The following MAPKBP1 variants were observed in gnomAD, a reference collection of about 807,000 sequenced individuals.
The protein encoded by MAPKBP1 is mitogen-activated protein kinase binding protein 1.
MAPKBP1 carries 71 observed loss-of-function variants against 170.5 expected under a neutral mutation model. The observed-to-expected ratio is 0.42, with a 90% CI of 0.34 to 0.51. MAPKBP1 has a LOEUF of 0.51. MAPKBP1 is among the 20% of genes least tolerant of loss of function. The pLI is 0.06. For synonymous variants in MAPKBP1, 719 were observed against 757.9 expected, an observed-to-expected ratio of 0.95 and a Z score of 0.84; for missense variants, 1,598 against 1,933.0, an observed-to-expected ratio of 0.83 and a Z score of 3.25.
chr15:41,811,954 C>T lies in MAPKBP1; in HGVS notation c.328-3C>T, dbSNP rs891814060. On this transcript the variant is annotated splice_polypyrimidine_tract_variant and splice_region_variant and intron_variant, in intron 5 of 30. Transcript: ENST00000457542. The stretch of plus-strand genomic sequence containing the variant: ...CTCACTTCCAGTTCTTGCCTCCCTG[C>T]AGAGTGGGCACATGCCTGCCGTGCG... The T allele has an allele frequency of 1.9e-5, 30 of 1,613,914 alleles. No homozygotes were observed. Among genetic ancestry groups the T allele is most frequent in the Admixed American group, 1.5e-4 (9 of 59,990 alleles).
chr15:41,783,099 G>A (rs2152068125), intron 2 of MAPKBP1, among the ~76,000 whole-genome samples: 1 of 152,280 alleles, frequency 6.6e-6, no homozygotes, highest in Non-Finnish European at 1.5e-5. Context: ...TTCTCTCTTG[G>A]GATTGGTTGG....
At chr15:41,790,335 C>A (rs186893536) in intron 2 of MAPKBP1, among the ~76,000 whole-genome samples, 1 of 152,300 alleles carries the variant, frequency 6.6e-6, no homozygotes, top group Non-Finnish European at 1.5e-5. Flanking sequence ...GATTCTCAAA[C>A]CCTACTCCTT....
chr15:41,778,188 CTAATT>C (rs1025038779), intron 2 of MAPKBP1, among the ~76,000 whole-genome samples: 2 of 152,148 alleles, frequency 1.3e-5, no homozygotes, highest in East Asian at 1.9e-4. Flanking sequence ...ATAAATGAGA[CTAATT>C]TAAAGATGTC....
intron 2 of MAPKBP1, among the ~76,000 whole-genome samples, chr15:41,789,353 C>G (rs1388874416): frequency 6.6e-6 from 1 of 152,032 alleles, no homozygotes; most frequent in Non-Finnish European, 1.5e-5. Context: ...TGAGATAACT[C>G]CTTTTCTTGC....
At chr15:41,784,317 C>G (rs2064242675) in intron 2 of MAPKBP1, among the ~76,000 whole-genome samples, 1 of 152,092 alleles carries the variant, frequency 6.6e-6, no homozygotes, top group African/African-American at 2.4e-5. Flanking sequence ...CATGACAAAC[C>G]TAGAACTGGC....
At chr15:41,813,369 C>T in intron 8 of MAPKBP1, 1 of 1,523,732 alleles carries the variant, frequency 6.6e-7, no homozygotes, top group South Asian at 1.1e-5. Flanking sequence ...CTGCACCTTC[C>T]TCTCTTTCTC....
Position 41,827,485 on chromosome 15 carries a change from G to C in MAPKBP1, c.*2049G>C, listed in dbSNP as rs1232379301. 6.6e-6 allele frequency: 1 copy of C among 152,070 alleles called. No individual in the cohort carries two copies. Among genetic ancestry groups the C allele is most frequent in the Non-Finnish European group, 1.5e-5 (1 of 68,044 alleles). The allele number at this position is 152,070 out of a possible 1,614,324, so 9.4% of individuals were successfully genotyped here. A position where few individuals can be genotyped will look rare whatever the true frequency, so the allele number is the denominator to read the frequency against. The stretch of plus-strand genomic sequence containing the variant: ...TGTGCCCCGACTTCCCACACCAGCC[G>C]CGCCCACCGCAGGTGGGACTCAGGT... On this transcript the variant is annotated 3_prime_UTR_variant, in exon 31 of 31. Transcript: ENST00000457542.
rs1034626160 is a variant in MAPKBP1 at position 41,823,193 on chromosome 15, C to T, written c.3569C>T (p.Ala1190Val). 3.7e-6 allele frequency: 6 copies of T among 1,613,466 alleles called. No individual in the cohort carries two copies. In the Admixed American group the frequency reaches 5.0e-5, roughly 13 times the overall value. The change falls in exon 28 of 31, where the codon GCC (alanine) becomes GTC (valine). Residue 1190 changes from alanine (A) to valine (V), a missense_variant. Coordinates refer to ENST00000457542, the MANE Select transcript of MAPKBP1 (RefSeq NM_014994.3). ...TASPFSGLQK[A>V]QSVHSLVPQE... is the part of the protein sequence containing the mutation. ...AGCCCCTTTTCTGGACTCCAGAAGG[C>T]CCAGTCTGTGCACAGTCTGGTGCCA...
At chr15:41,792,764 T>G (rs755575273) in intron 2 of MAPKBP1, among the ~76,000 whole-genome samples, 1 of 152,226 alleles carries the variant, frequency 6.6e-6, no homozygotes. Flanking sequence ...GTCAGAACTT[T>G]GGGCTGAATC....
rs116581218 is a variant in MAPKBP1 at position 41,776,425 on chromosome 15, T to A, written c.114+1036T>A. Among the ~76,000 whole-genome samples, 757 of 152,320 alleles carry A rather than the reference T, an allele frequency of 5.0e-3. 6 individuals carry two copies. The highest frequency in any genetic ancestry group is 0.018 in the African/African-American group (733 of 41,566). ...TTCCTTAGCAGAACTTTGAGTAGAT[T>A]TGGTAAGAAGGTGAAGAGCTTTCCT... is the stretch of plus-strand genomic sequence containing the variant. On this transcript the variant is annotated intron_variant, in intron 2 of 30. Coordinates refer to ENST00000457542, the MANE Select transcript of MAPKBP1 (RefSeq NM_014994.3).
In MAPKBP1 at chr15:41,792,956, A is replaced by G. The variant is rs558972688; in HGVS notation, c.115-6867A>G. On this transcript the variant is annotated intron_variant, in intron 2 of 30. Transcript: ENST00000457542. The stretch of plus-strand genomic sequence containing the variant: ...TGGTCTGAGAAGCCTGGAGTCCCCA[A>G]AACCCCTTTAGGGGGTCCATGATGT... 1.1e-4 allele frequency among the ~76,000 whole-genome samples: 16 copies of G among 152,204 alleles called. 1 individual carries two copies. The South Asian group carries it at 3.3e-3, about 32-fold the overall frequency.
Position 41,825,407 on chromosome 15 carries a change from G to A in MAPKBP1, c.4498G>A (p.Val1500Met), listed in dbSNP as rs772847949. The A allele has an allele frequency of 9.9e-6, 16 of 1,612,182 alleles. No individual in the cohort carries two copies. Among genetic ancestry groups the A allele is most frequent in the South Asian group, 3.3e-5 (3 of 91,042 alleles). Residue 1500 changes from valine (V) to methionine (M), a missense_variant, in exon 31 of 31, where the codon GTG becomes ATG. Physicochemically the swap from Val to Met is conservative, Grantham distance 21 (BLOSUM62 1). Transcript: ENST00000457542. ...EQYSELLLRA[V>M]ERRMERKL is the part of the protein sequence containing the mutation. The stretch of plus-strand genomic sequence containing the variant: ...ATACTCAGAACTGTTGCTTCGAGCC[G>A]TGGAACGGCGTATGGAACGCAAACT...
intron 3 of MAPKBP1, among the ~76,000 whole-genome samples, chr15:41,808,464 C>A (rs2064743906): frequency 6.7e-6 from 1 of 150,206 alleles, no homozygotes; most frequent in South Asian, 2.1e-4. Flanking sequence ...CCAGAGCCAT[C>A]TTGCTTTTGT....
At chr15:41,807,151 G>A (rs1289747743) in intron 3 of MAPKBP1, among the ~76,000 whole-genome samples, 2 of 152,192 alleles carry the variant, frequency 1.3e-5, no homozygotes, top group East Asian at 3.8e-4. Flanking sequence ...GGGGGCAAGG[G>A]GATGTTAGAG....
chr15:41,825,318 TG>T lies in MAPKBP1; in HGVS notation c.4410del (p.Ser1471ProfsTer48). 1.2e-6 allele frequency: 2 copies of T among 1,613,264 alleles called. No homozygotes were observed. Among genetic ancestry groups the T allele is most frequent in the Non-Finnish European group, 1.7e-6 (2 of 1,179,920 alleles). ...CTGGAAGCTGTGGCTGGGGCAGTGC[TG>T]TCCAGCCCAGGCAGCAGCCCTGGGG... ...QELEAVAGAV[L>X]SSPGSSPGAV... On this transcript the variant is annotated frameshift_variant, in exon 31 of 31. Transcript: ENST00000457542. LOFTEE classifies it high-confidence loss of function.
intron 2 of MAPKBP1, among the ~76,000 whole-genome samples, chr15:41,799,408 C>G (rs1007754262): frequency 6.6e-6 from 1 of 152,128 alleles, no homozygotes; most frequent in Non-Finnish European, 1.5e-5. Flanking sequence ...GTCAGAGTGG[C>G]CTTTCCTTCA....
chr15:41,791,603 A>G (rs2064396862), intron 2 of MAPKBP1, among the ~76,000 whole-genome samples: 1 of 152,212 alleles, frequency 6.6e-6, no homozygotes. Flanking sequence ...CCCAGTGTCT[A>G]GGATTGTATG....
At chr15:41,784,003 C>T (rs1486419436) in intron 2 of MAPKBP1, among the ~76,000 whole-genome samples, 2 of 151,978 alleles carry the variant, frequency 1.3e-5, no homozygotes, top group South Asian at 4.1e-4. Flanking sequence ...AGCAAAACTC[C>T]GTCTCAAAAA....
At position 41,819,285 on chromosome 15, in the gene MAPKBP1, CTCA is replaced by C. The variant is rs1047189193; in HGVS notation, c.2335_2337del (p.Ser779del). 4 of 1,614,080 alleles carry C rather than the reference CTCA, an allele frequency of 2.5e-6. No individual in the cohort carries two copies. In the African/African-American group the frequency reaches 5.3e-5, roughly 22 times the overall value. ...CAATGCTGTCTCCTGGACCGGCTCT[CTCA>C]TCAGACAGTGACAAGGAGGGAGAAG... On this transcript the variant is annotated inframe_deletion, in exon 21 of 31. Coordinates refer to ENST00000457542, the MANE Select transcript of MAPKBP1 (RefSeq NM_014994.3).
Sources: gnomAD v4.1 joint callset for allele counts (sites outside exome capture counted in the v4.1 genomes callset) on GRCh38, gnomAD v4.1.1 for gene constraint, MANE v1.5 for transcripts, NCBI Gene and HGNC (gene_info 2026-07-23, HGNC 2026-07-21) for gene names.